TRMT9B: variants seen among roughly 807,000 people sequenced by gnomAD.
The protein encoded by TRMT9B is probable tRNA methyltransferase 9B.
In TRMT9B, 16 loss-of-function variants were observed where a neutral mutation model predicts 11.5. The ratio of observed to expected loss-of-function variants is 1.39; its 90% CI spans 0.94 to 2.11. The LOEUF (loss-of-function observed/expected upper bound fraction) is 2.11, where lower values mean the gene tolerates loss of function less well. TRMT9B is among the 30% of genes most tolerant of loss of function. The probability of loss-of-function intolerance (pLI) is 0.00; values close to 1 mark genes in which losing one functional copy is unlikely to be tolerated. For missense variants in TRMT9B, 941 were observed against 553.8 expected, an observed-to-expected ratio of 1.70 and a Z score of -7.02; for synonymous variants, 274 against 192.4, an observed-to-expected ratio of 1.42 and a Z score of -3.51.
intron 1 of TRMT9B, among the ~76,000 whole-genome samples, chr8:12,956,716 G>A (rs534229406): frequency 3.9e-5 from 6 of 152,196 alleles, no homozygotes; most frequent in African/African-American, 1.2e-4. Context: ...TCTCTCCCCT[G>A]TAACTTTCAG....
chr8:12,963,450 G>GA (rs763465299), intron 1 of TRMT9B, among the ~76,000 whole-genome samples: 3 of 151,638 alleles, frequency 2.0e-5, no homozygotes, highest in Non-Finnish European at 4.4e-5. Context: ...AAACAAAACA[G>GA]AAAAACACAT....
intron 2 of TRMT9B, among the ~76,000 whole-genome samples, chr8:13,003,443 T>C (rs1340470011): frequency 1.3e-5 from 2 of 152,090 alleles, no homozygotes; most frequent in Admixed American, 6.5e-5. Flanking sequence ...GAAGTCTTCC[T>C]GGAGGAGATG....
chr8:12,976,468 A>AGT, intron 1 of TRMT9B, among the ~76,000 whole-genome samples: 1 of 151,954 alleles, frequency 6.6e-6, no homozygotes, highest in East Asian at 1.9e-4. Flanking sequence ...GGCCGGGTGC[A>AGT]GTGGCTCGTG....
At chr8:12,987,121 A>T (rs1806451981) in intron 1 of TRMT9B, among the ~76,000 whole-genome samples, 1 of 152,192 alleles carries the variant, frequency 6.6e-6, no homozygotes, top group Admixed American at 6.5e-5. Context: ...TGTATAGTTA[A>T]GAGTGCGAAC....
intron 1 of TRMT9B, among the ~76,000 whole-genome samples, chr8:12,986,770 T>C (rs959963822): frequency 3.3e-5 from 5 of 152,242 alleles, no homozygotes; most frequent in African/African-American, 1.2e-4. Flanking sequence ...GCCTTAACTC[T>C]GCATGAGTCA....
At chr8:13,001,247 T>A (rs1246430100) in intron 2 of TRMT9B, among the ~76,000 whole-genome samples, 1 of 152,200 alleles carries the variant, frequency 6.6e-6, no homozygotes, top group Non-Finnish European at 1.5e-5. Context: ...TTAGTTCAAA[T>A]TCTCAAGACT....
At chr8:12,974,927 GGCA>G (rs34759055) in intron 1 of TRMT9B, among the ~76,000 whole-genome samples, 49,219 of 151,464 alleles carry the variant, frequency 0.32, 8,333 homozygotes, top group East Asian at 0.59. Flanking sequence ...AACAAATAGA[GGCA>G]GCAGCATTAT....
At chr8:12,985,027 CA>C (rs1456189424) in intron 1 of TRMT9B, among the ~76,000 whole-genome samples, 2 of 151,762 alleles carry the variant, frequency 1.3e-5, no homozygotes, top group Non-Finnish European at 2.9e-5. Context: ...TTATCATGTT[CA>C]TTTCCCCTAT....
chr8:12,995,883 G>T (rs1808249472), intron 2 of TRMT9B, among the ~76,000 whole-genome samples: 1 of 152,146 alleles, frequency 6.6e-6, no homozygotes, highest in African/African-American at 2.4e-5. Flanking sequence ...CATATAAAGA[G>T]CCACATAAAC....
chr8:13,018,467 T>A (rs1040194517), intron 4 of TRMT9B, among the ~76,000 whole-genome samples: 16 of 152,044 alleles, frequency 1.1e-4, no homozygotes, highest in African/African-American at 3.9e-4. Flanking sequence ...TGTTGATGTA[T>A]GAGTCTACTG....
Position 12,991,024 on chromosome 8 carries a change from T to C in TRMT9B, c.-9T>C, listed in dbSNP as rs1394927924. 2 of 1,255,214 alleles carry C rather than the reference T, an allele frequency of 1.6e-6. No homozygotes were observed. The highest frequency in any genetic ancestry group is 5.6e-5 in the East Asian group (1 of 17,778). 77.8% of individuals were successfully genotyped at this position (1,255,214 alleles called of 1,614,324 possible). A position where few individuals can be genotyped will look rare whatever the true frequency, so the allele number is the denominator to read the frequency against. On this transcript the variant is annotated 5_prime_UTR_variant, in exon 2 of 5. An upstream start codon of the reference 5' UTR is lost. Coordinates refer to ENST00000524591, the MANE Select transcript of TRMT9B (RefSeq NM_020844.3). ...AGGTAATTTTCCTGTAATCACAGGA[T>C]GACTCAGGTTAGTAGCTTTCAGCGC...
chr8:12,994,363 A>T (rs892017628), intron 2 of TRMT9B, among the ~76,000 whole-genome samples: 1 of 152,248 alleles, frequency 6.6e-6, no homozygotes. Context: ...TTATTTTTTA[A>T]GAAGATACTG....
chr8:12,979,632 T>C (rs1431104849), intron 1 of TRMT9B, among the ~76,000 whole-genome samples: 1 of 152,218 alleles, frequency 6.6e-6, no homozygotes, highest in Non-Finnish European at 1.5e-5. Flanking sequence ...GGGTACCTAA[T>C]TCCTGCAACT....
Position 13,028,327 on chromosome 8 carries a change from C to G in TRMT9B, c.*6283C>G, listed in dbSNP as rs1210648430. On this transcript the variant is annotated 3_prime_UTR_variant, in exon 5 of 5. Transcript: ENST00000524591. ...TGGATCTTCATTTGACAAATAAATA[C>G]TAGAGCTGCAGAAAGTAAAGTTTAC... 2 of 167,012 alleles carry G rather than the reference C, an allele frequency of 1.2e-5. No homozygotes were observed. Among genetic ancestry groups the G allele is most frequent in the African/African-American group, 4.8e-5 (2 of 41,434 alleles). 10.3% of individuals were successfully genotyped at this position (167,012 alleles called of 1,614,324 possible).
chr8:12,998,185 G>A (rs1422334594), intron 2 of TRMT9B, among the ~76,000 whole-genome samples: 10 of 152,078 alleles, frequency 6.6e-5, no homozygotes, highest in Admixed American at 6.6e-4. Flanking sequence ...TTCACACTCT[G>A]GGTTGAATTT....
In TRMT9B at chr8:13,022,960, G is replaced by A. The variant is rs552085987; in HGVS notation, c.*916G>A. ...ATTGCATCACTGCACTGCAGCCTGG[G>A]CAACATAGCAAGACTCTGTCTCAAA... On this transcript the variant is annotated 3_prime_UTR_variant, in exon 5 of 5. Coordinates refer to ENST00000524591, the MANE Select transcript of TRMT9B (RefSeq NM_020844.3). 6.0e-6 allele frequency: 1 copy of A among 166,764 alleles called. No homozygotes were observed. Among genetic ancestry groups the A allele is most frequent in the South Asian group, 2.1e-4 (1 of 4,820 alleles). The allele number at this position is 166,764 out of a possible 1,614,324, so 10.3% of individuals were successfully genotyped here. A position where few individuals can be genotyped will look rare whatever the true frequency, so the allele number is the denominator to read the frequency against.
chr8:12,998,365 T>C (rs1010208735), intron 2 of TRMT9B, among the ~76,000 whole-genome samples: 13 of 152,250 alleles, frequency 8.5e-5, no homozygotes, highest in Admixed American at 2.6e-4. Flanking sequence ...AAAGAGGTTT[T>C]AATTCATAAA....
chr8:13,002,836 G>C (rs1585305674), intron 2 of TRMT9B, among the ~76,000 whole-genome samples: 1 of 152,186 alleles, frequency 6.6e-6, no homozygotes, highest in East Asian at 1.9e-4. Flanking sequence ...CACTTCCCAG[G>C]ATAGGGGTAG....
chr8:12,957,951 C>G (rs1159635773), intron 1 of TRMT9B, among the ~76,000 whole-genome samples: 1 of 152,150 alleles, frequency 6.6e-6, no homozygotes, highest in Non-Finnish European at 1.5e-5. Context: ...CTCCCCATCC[C>G]TCCTCCTCAC....
Sources: allele counts gnomAD v4.1 joint callset (sites outside exome capture counted in the v4.1 genomes callset), GRCh38; gene constraint gnomAD v4.1.1; transcripts MANE v1.5; gene names NCBI Gene and HGNC (gene_info 2026-07-23, HGNC 2026-07-21).